EPHX3: variants seen among roughly 807,000 people sequenced by gnomAD.
EPHX3 encodes epoxide hydrolase 3.
EPHX3 carries 39 observed loss-of-function variants against 40.2 expected under a neutral mutation model. The observed-to-expected ratio is 0.97, with a 90% CI of 0.75 to 1.27. The LOEUF (loss-of-function observed/expected upper bound fraction) is 1.27. Among genes scored for constraint, EPHX3 ranks in the 50% most tolerant of loss-of-function variants. The pLI is 0.00. For missense variants in EPHX3, 442 were observed against 474.0 expected (o/e 0.93, Z 0.63); for synonymous variants, 213 against 209.7 (o/e 1.02, Z -0.14).
chr19:15,234,059 C>CA (rs544530627), upstream of EPHX3, among the ~76,000 whole-genome samples: 6,927 of 97,450 alleles, frequency 0.071, 285 homozygotes, highest in African/African-American at 0.14. Flanking sequence ...GACTCCGTCT[C>CA]AAAAAAAAAA....
chr19:15,230,411 T>A (rs1568371893), intron 4 of EPHX3, among the ~76,000 whole-genome samples: 1 of 152,132 alleles, frequency 6.6e-6, no homozygotes, highest in Non-Finnish European at 1.5e-5. Flanking sequence ...GCTCAAGCAA[T>A]CCACCGGCTT....
At position 15,227,568 on chromosome 19, in the gene EPHX3, T is replaced by C; in HGVS notation, c.952A>G (p.Ile318Val). Residue 318 changes from isoleucine (I) to valine (V), a missense_variant, in exon 7 of 7, where the codon ATC becomes GTC. Transcript: ENST00000221730. ...TYLELGLVEA[I>V]GSRFVPGRLE... is the part of the protein sequence containing the mutation. Reference sequence around the variant, plus strand: ...CGGCCCGGCACAAAGCGGCTGCCGATGGCTTCCACCAGCCCCAGCTCCAAG... The same window carrying C: ...CGGCCCGGCACAAAGCGGCTGCCGACGGCTTCCACCAGCCCCAGCTCCAAG... 6.2e-7 allele frequency: 1 copy of C among 1,614,056 alleles called. No individual in the cohort carries two copies. The highest frequency in any genetic ancestry group is 8.5e-7 in the Non-Finnish European group (1 of 1,180,036).
At chr19:15,231,630 A>T in intron 2 of EPHX3, 146 bp downstream of exon 2, 2 of 979,584 alleles carry the variant, frequency 2.0e-6, no homozygotes, top group Middle Eastern at 2.4e-4. Flanking sequence ...GGGCCTAGGG[A>T]TCCTGGGTAT....
At chr19:15,229,665 T>C (rs1341186517) in intron 4 of EPHX3, among the ~76,000 whole-genome samples, 1 of 146,632 alleles carries the variant, frequency 6.8e-6, no homozygotes. Flanking sequence ...GAGGCCAAGG[T>C]GGGCAGATCA....
At position 15,232,150 on chromosome 19, in the gene EPHX3, C is replaced by A. The variant is rs1338976244; in HGVS notation, c.62G>T (p.Arg21Leu). ...APSRLSLKLL[R>L]AFMWSLVFSV... ...GAACACCAGGCTCCACATGAAGGCGCGCAGCAGCTTCAGCGACAGGCGCGA... is the reference window on the plus strand; with the variant it reads ...GAACACCAGGCTCCACATGAAGGCGAGCAGCAGCTTCAGCGACAGGCGCGA... Residue 21 changes from arginine (R) to leucine (L), a missense_variant, in exon 1 of 7, where the codon CGC becomes CTC. Transcript: ENST00000221730. 1.3e-6 allele frequency: 2 copies of A among 1,532,234 alleles called. No homozygotes were observed. The highest frequency in any genetic ancestry group is 1.7e-6 in the Non-Finnish European group (2 of 1,146,966). The allele number at this position is 1,532,234 out of a possible 1,614,324, so 94.9% of individuals were successfully genotyped here. A position where few individuals can be genotyped will look rare whatever the true frequency, so the allele number is the denominator to read the frequency against.
chr19:15,234,909 CAT>C (rs1453975155), upstream of EPHX3, among the ~76,000 whole-genome samples: 4 of 152,214 alleles, frequency 2.6e-5, no homozygotes, highest in South Asian at 8.3e-4. Flanking sequence ...TTACATTGCC[CAT>C]AGTGTACAAA....
upstream of EPHX3, among the ~76,000 whole-genome samples, chr19:15,235,161 C>G (rs1214404859): frequency 6.6e-6 from 1 of 152,018 alleles, no homozygotes; most frequent in East Asian, 1.9e-4. Flanking sequence ...GCTACCGCGC[C>G]CCGCTAATTT....
At chr19:15,231,634 T>C in intron 2 of EPHX3, 142 bp downstream of exon 2, 1 of 996,180 alleles carries the variant, frequency 1.0e-6, no homozygotes. Context: ...CTAGGGATCC[T>C]GGGTATGCTG....
Position 15,232,219 on chromosome 19 carries a change from C to T in EPHX3, c.-8G>A, listed in dbSNP as rs1178820680. On this transcript the variant is annotated 5_prime_UTR_variant, in exon 1 of 7. Transcript: ENST00000221730. ...CACCACCAGCTCCGGCATGTCGCCG[C>T]GCTCCGGGACCACGGCGGCGCTGCC... 4.0e-6 allele frequency: 6 copies of T among 1,491,036 alleles called. No individual in the cohort carries two copies. Among genetic ancestry groups the T allele is most frequent in the African/African-American group, 1.5e-5 (1 of 67,870 alleles). 92.4% of individuals were successfully genotyped at this position (1,491,036 alleles called of 1,614,324 possible). A position where few individuals can be genotyped will look rare whatever the true frequency, so the allele number is the denominator to read the frequency against.
chr19:15,228,367 G>A (rs950448545), intron 4 of EPHX3, among the ~76,000 whole-genome samples: 9 of 152,048 alleles, frequency 5.9e-5, no homozygotes, highest in Non-Finnish European at 5.9e-5. Context: ...GCCAGGGTGC[G>A]TTTCCTCTGC....
chr19:15,231,223 G>T lies in EPHX3; in HGVS notation c.487+16C>A, dbSNP rs2047151355. On this transcript the variant is annotated intron_variant, in intron 3 of 6. Coordinates refer to ENST00000221730, the MANE Select transcript of EPHX3 (RefSeq NM_024794.3). ...GGATGAGGGAGGCCACGCCTAGGAT[G>T]GGGGTATGTCTGCACCCAGGCCTAG... 4 of 1,613,648 alleles carry T rather than the reference G, an allele frequency of 2.5e-6. No homozygotes were observed. The South Asian group carries it at 4.4e-5, about 18-fold the overall frequency.
rs1318728410 is a variant in EPHX3 at position 15,232,165 on chromosome 19, G to A, written c.47C>T (p.Ser16Leu). 6.6e-7 allele frequency: 1 copy of A among 1,525,416 alleles called. No homozygotes were observed. The highest frequency in any genetic ancestry group is 8.7e-7 in the Non-Finnish European group (1 of 1,143,826). 94.5% of individuals were successfully genotyped at this position (1,525,416 alleles called of 1,614,324 possible). ...CATGAAGGCGCGCAGCAGCTTCAGC[G>A]ACAGGCGCGACGGCGCCAGCAGCGC... The part of the protein sequence containing the change: ...VTALLAPSRL[S>L]LKLLRAFMWS... The change falls in exon 1 of 7, where the codon TCG (serine) becomes TTG (leucine). Residue 16 changes from serine to leucine, a missense_variant. Physicochemically the swap from Ser to Leu is moderately radical, Grantham distance 145. Coordinates refer to ENST00000221730, the MANE Select transcript of EPHX3 (RefSeq NM_024794.3).
intron 4 of EPHX3, 142 bp from the exon 5 acceptor site, chr19:15,228,242 A>T: frequency 1.5e-6 from 1 of 662,580 alleles, no homozygotes; most frequent in Non-Finnish European, 2.6e-6. Context: ...AAGGTACTAG[A>T]TACCCCTCCT....
chr19:15,229,608 A>G (rs2047137672), intron 4 of EPHX3, among the ~76,000 whole-genome samples: 1 of 145,006 alleles, frequency 6.9e-6, no homozygotes, highest in Non-Finnish European at 1.5e-5. Context: ...AAAAAAAAAA[A>G]AAGGGGCCAG....
chr19:15,233,432 G>C (rs2047168934), upstream of EPHX3: 1 of 152,348 alleles, frequency 6.6e-6, no homozygotes, highest in South Asian at 2.1e-4. Context: ...TTCCAACGGC[G>C]GGTCCAGCGG....
chr19:15,229,819 G>A (rs2047139910), intron 4 of EPHX3, among the ~76,000 whole-genome samples: 1 of 137,986 alleles, frequency 7.2e-6, no homozygotes, highest in African/African-American at 2.7e-5. Context: ...CCTGGGAGGC[G>A]GAGGTTGCAG....
chr19:15,234,185 A>C (rs1050098545), upstream of EPHX3, among the ~76,000 whole-genome samples: 10 of 152,186 alleles, frequency 6.6e-5, no homozygotes, highest in African/African-American at 2.4e-4. Flanking sequence ...AAGTAGCATA[A>C]TCACATTCCT....
Position 15,227,640 on chromosome 19 carries a change from C to T in EPHX3, c.880G>A (p.Glu294Lys), listed in dbSNP as rs761458340. The change falls in exon 7 of 7, where the codon GAG becomes AAG. Residue 294 changes from glutamate to lysine, a missense_variant. Coordinates refer to ENST00000221730, the MANE Select transcript of EPHX3 (RefSeq NM_024794.3). ...LFRNFPLEPQ[E>K]LTTPTLLLWG... Reference sequence around the variant, plus strand: ...AGCAGCAATGTGGGTGTGGTCAGCTCCTGGGGTTCCAGGGGGAAGTTCCTG... The same window carrying T: ...AGCAGCAATGTGGGTGTGGTCAGCTTCTGGGGTTCCAGGGGGAAGTTCCTG... The T allele has an allele frequency of 1.2e-6, 2 of 1,614,052 alleles. No individual in the cohort carries two copies. Among genetic ancestry groups the T allele is most frequent in the South Asian group, 2.2e-5 (2 of 91,082 alleles).
Position 15,227,391 on chromosome 19 carries a change from T to C in EPHX3, c.*46A>G. 2 of 1,494,400 alleles carry C rather than the reference T, an allele frequency of 1.3e-6. No individual in the cohort carries two copies. Among genetic ancestry groups the C allele is most frequent in the Non-Finnish European group, 1.9e-6 (2 of 1,072,410 alleles). The allele number at this position is 1,494,400 out of a possible 1,614,324, so 92.6% of individuals were successfully genotyped here. ...GGCACACACAGATAATGGGTGTGTG[T>C]TCCTTCCTGAGTATCCATGCCTCCT... On this transcript the variant is annotated 3_prime_UTR_variant, in exon 7 of 7. Coordinates refer to ENST00000221730, the MANE Select transcript of EPHX3 (RefSeq NM_024794.3).
Sources: allele counts gnomAD v4.1 joint callset (sites outside exome capture counted in the v4.1 genomes callset), GRCh38; gene constraint gnomAD v4.1.1; transcripts MANE v1.5; gene names NCBI Gene and HGNC (gene_info 2026-07-23, HGNC 2026-07-21).